Variants in ZNF469 observed in about 807,000 individuals in gnomAD.
ZNF469 encodes the protein zinc finger protein 469.
In ZNF469, 1 loss-of-function variant was observed where a neutral mutation model predicts 1.0. That is an observed-to-expected ratio of 1.00 (90% CI 0.35 to 4.73). The LOEUF (loss-of-function observed/expected upper bound fraction) is 4.73, where lower values mean the gene tolerates loss of function less well. Ranked by LOEUF, ZNF469 falls within the 30% of genes most tolerant of loss-of-function variation. The probability of loss-of-function intolerance (pLI) is 0.16; values close to 1 mark genes in which losing one functional copy is unlikely to be tolerated. For synonymous variants in ZNF469, 2,703 were observed against 2,363.4 expected (o/e 1.14, Z -4.17); for missense variants, 6,100 against 5,356.3 (o/e 1.14, Z -4.33).
the ZNF469 span, among the ~76,000 whole-genome samples, chr16:88,156,367 G>A: frequency 5.3e-5 from 8 of 152,106 alleles, no homozygotes; most frequent in African/African-American, 1.2e-4. Context: ...ATAGTCTTAC[G>A]TCTTACATTT....
At chr16:88,176,686 G>A in the ZNF469 span, among the ~76,000 whole-genome samples, 16 of 152,382 alleles carry the variant, frequency 1.0e-4, no homozygotes. Flanking sequence ...TTTGTCCTTG[G>A]CAGGTTGCTA....
chr16:88,435,888 C>T lies in ZNF469; in HGVS notation c.8418C>T (p.Ser2806=), dbSNP rs1000828827. 2 of 1,550,058 alleles carry T rather than the reference C, an allele frequency of 1.3e-6. No homozygotes were observed. Among genetic ancestry groups the T allele is most frequent in the African/African-American group, 2.7e-5 (2 of 73,054 alleles). The change falls in exon 3 of 3, where the codon TCC becomes TCT. Residue 2806 remains serine, a synonymous_variant. Coordinates refer to ENST00000565624, the MANE Select transcript of ZNF469 (RefSeq NM_001367624.2). ...PLGPLGFPET[S]SSPADSTTSS... is the part of the protein sequence containing the mutation. ...GCCCCCTGGGTTTTCCCGAGACTTC[C>T]AGCTCTCCGGCGGACAGCACCACCA...
At chr16:88,341,471 C>G in the ZNF469 span, among the ~76,000 whole-genome samples, 1 of 152,192 alleles carries the variant, frequency 6.6e-6, no homozygotes, top group African/African-American at 2.4e-5. Flanking sequence ...GGGCCACCCT[C>G]CAGGTTTCCC....
the ZNF469 span, among the ~76,000 whole-genome samples, chr16:88,141,748 AG>A: frequency 6.6e-6 from 1 of 151,974 alleles, no homozygotes; most frequent in African/African-American, 2.4e-5. Flanking sequence ...GGTCAGCAGC[AG>A]GCAGTGGCAA....
In ZNF469 at chr16:88,434,877, T is replaced by C; in HGVS notation, c.7407T>C (p.His2469=). 1.9e-6 allele frequency: 3 copies of C among 1,550,324 alleles called. No homozygotes were observed. The highest frequency in any genetic ancestry group is 2.6e-6 in the Non-Finnish European group (3 of 1,146,980). ...GCCAGTGGAAGGGCCAAGCTCCACA[T>C]GGGCCTGTGACCTGTGAGGTCTGCG... The part of the protein sequence containing the change: ...ENGQWKGQAP[H]GPVTCEVCAA... The change falls in exon 3 of 3, where the codon CAT becomes CAC. Residue 2469 remains histidine, a synonymous_variant. Coordinates refer to ENST00000565624, the MANE Select transcript of ZNF469 (RefSeq NM_001367624.2).
the ZNF469 span, among the ~76,000 whole-genome samples, chr16:88,209,600 C>A: frequency 6.6e-6 from 1 of 152,144 alleles, no homozygotes; most frequent in Non-Finnish European, 1.5e-5. Flanking sequence ...CCCTGTGTTT[C>A]TTTTTACAAA....
chr16:88,136,457 G>A, the ZNF469 span, among the ~76,000 whole-genome samples: 1 of 152,350 alleles, frequency 6.6e-6, no homozygotes, highest in Admixed American at 6.5e-5. Context: ...TCCAGATGGC[G>A]GCAGCAGGGT....
chr16:88,434,740 C>A lies in ZNF469; in HGVS notation c.7270C>A (p.Gln2424Lys). 6 of 1,550,414 alleles carry A rather than the reference C, an allele frequency of 3.9e-6. No homozygotes were observed. Among genetic ancestry groups the A allele is most frequent in the Non-Finnish European group, 5.2e-6 (6 of 1,146,980 alleles). The change falls in exon 3 of 3, where the codon CAA (glutamine) becomes AAA (lysine). Residue 2424 changes from glutamine (Q) to lysine (K), a missense_variant. Physicochemically the swap from Gln to Lys is moderately conservative, Grantham distance 53. Coordinates refer to ENST00000565624, the MANE Select transcript of ZNF469 (RefSeq NM_001367624.2). The part of the protein sequence containing the change: ...TASDFQSDSP[Q>K]SHRNASHQTP... Reference sequence around the variant, plus strand: ...CAGTGACTTCCAGTCTGACTCCCCCCAAAGCCACAGAAATGCCTCCCACCA... The same window carrying A: ...CAGTGACTTCCAGTCTGACTCCCCCAAAAGCCACAGAAATGCCTCCCACCA...
the ZNF469 span, among the ~76,000 whole-genome samples, chr16:88,122,072 C>G: frequency 1.4e-5 from 2 of 148,130 alleles, no homozygotes; most frequent in Non-Finnish European, 3.0e-5. Flanking sequence ...CGCACCCTGT[C>G]ACTTGCTGCG....
At chr16:88,104,043 G>C in the ZNF469 span, among the ~76,000 whole-genome samples, 10 of 152,128 alleles carry the variant, frequency 6.6e-5, no homozygotes, top group African/African-American at 2.4e-4. Context: ...CTGTGCCCCA[G>C]GTGGTTCGTA....
the ZNF469 span, among the ~76,000 whole-genome samples, chr16:88,105,652 C>T: frequency 1.3e-5 from 2 of 152,176 alleles, no homozygotes; most frequent in Admixed American, 6.5e-5. Flanking sequence ...AACCCAGCAA[C>T]CCCAGGCAGG....
At chr16:88,127,152 T>C in the ZNF469 span, among the ~76,000 whole-genome samples, 1 of 152,128 alleles carries the variant, frequency 6.6e-6, no homozygotes, top group Non-Finnish European at 1.5e-5. Context: ...ATGGATTTGC[T>C]CATTTTTGTT....
At chr16:88,229,840 A>C in the ZNF469 span, among the ~76,000 whole-genome samples, 41 of 152,194 alleles carry the variant, frequency 2.7e-4, no homozygotes, top group Non-Finnish European at 4.7e-4. Flanking sequence ...CCAGGAGCCC[A>C]GGGAGGGTGA....
At chr16:88,411,663 G>A (rs1243286723) in intron 1 of ZNF469, among the ~76,000 whole-genome samples, 1 of 152,148 alleles carries the variant, frequency 6.6e-6, no homozygotes, top group Non-Finnish European at 1.5e-5. Flanking sequence ...AAAATCTTCT[G>A]GGCAGGAGAC....
the ZNF469 span, among the ~76,000 whole-genome samples, chr16:88,230,924 G>A: frequency 6.6e-6 from 1 of 152,206 alleles, no homozygotes; most frequent in Non-Finnish European, 1.5e-5. Flanking sequence ...GGGACGGTGA[G>A]TGCCAGGTGC....
the ZNF469 span, among the ~76,000 whole-genome samples, chr16:88,202,911 G>C: frequency 2.0e-5 from 3 of 152,172 alleles, no homozygotes; most frequent in Non-Finnish European, 4.4e-5. Context: ...GGAGGTGAGG[G>C]AAGGGCCCTG....
the ZNF469 span, among the ~76,000 whole-genome samples, chr16:88,365,540 G>T: frequency 6.6e-6 from 1 of 152,226 alleles, no homozygotes; most frequent in Non-Finnish European, 1.5e-5. Context: ...GCAGGGCTCT[G>T]CTGGGAAAGA....
chr16:88,396,833 AGCCTGGAGGAGACCCTCCTGAAGGGAG>A (rs1904686792), intron 1 of ZNF469, among the ~76,000 whole-genome samples: 1 of 39,574 alleles, frequency 2.5e-5, no homozygotes, highest in Admixed American at 2.6e-4. Context: ...TCTGAAGGGA[AGCCTGGAGGAGACCCTCCTGAAGGGAG>A]GCCGGGAGGA....
In ZNF469 at chr16:88,428,708, C is replaced by T; in HGVS notation, c.1238C>T (p.Ala413Val). Residue 413 changes from alanine to valine, a missense_variant, in exon 3 of 3, where the codon GCC (alanine) becomes GTC (valine). Transcript: ENST00000565624. ...QRHFPGQAYR[A>V]SGVDTSPGPP... ...CACTTTCCAGGGCAGGCGTACAGAG[C>T]CAGTGGGGTGGACACCAGCCCGGGG... 8 of 1,548,894 alleles carry T rather than the reference C, an allele frequency of 5.2e-6. No homozygotes were observed. The highest frequency in any genetic ancestry group is 7.0e-6 in the Non-Finnish European group (8 of 1,146,778).
Sources: allele counts gnomAD v4.1 joint callset (sites outside exome capture counted in the v4.1 genomes callset), GRCh38; gene constraint gnomAD v4.1.1; transcripts MANE v1.5; gene names NCBI Gene and HGNC (gene_info 2026-07-23, HGNC 2026-07-21).